The following SGCZ variants were observed in gnomAD, a reference collection of about 807,000 sequenced individuals.
SGCZ encodes sarcoglycan zeta.
Under a neutral mutation model 41.3 loss-of-function variants are expected in SGCZ, and 40 were observed. That is an observed-to-expected ratio of 0.97 (90% CI 0.75 to 1.26). SGCZ has a LOEUF of 1.26. Among genes scored for constraint, SGCZ ranks in the 50% most tolerant of loss-of-function variants. SGCZ has a pLI of 0.00. For synonymous variants in SGCZ, 206 were observed against 137.5 expected, an observed-to-expected ratio of 1.50 and a Z score of -3.49; for missense variants, 552 against 369.8, an observed-to-expected ratio of 1.49 and a Z score of -4.04.
chr8:14,289,550 T>C (rs192008890), intron 3 of SGCZ, among the ~76,000 whole-genome samples: 15 of 152,250 alleles, frequency 9.9e-5, no homozygotes, highest in East Asian at 9.7e-4. Flanking sequence ...ATAATCCTTA[T>C]ACTCTTGTCA....
chr8:14,407,532 A>T (rs905025305), intron 2 of SGCZ, among the ~76,000 whole-genome samples: 1 of 152,142 alleles, frequency 6.6e-6, no homozygotes, highest in Non-Finnish European at 1.5e-5. Context: ...ATTGTAAAAA[A>T]ATTAAATAAC....
chr8:14,317,147 AG>A (rs1181935302), intron 3 of SGCZ, among the ~76,000 whole-genome samples: 2 of 152,082 alleles, frequency 1.3e-5, no homozygotes, highest in African/African-American at 4.8e-5. Flanking sequence ...GGATTAAATG[AG>A]CTAACACATG....
intron 2 of SGCZ, 134 bp from the exon 3 acceptor site, chr8:14,324,338 C>T (rs1802022332): frequency 2.9e-6 from 2 of 685,094 alleles, no homozygotes; most frequent in Non-Finnish European, 5.2e-6. Flanking sequence ...GAGATTGAAT[C>T]TACTTAATTA....
intron 2 of SGCZ, among the ~76,000 whole-genome samples, chr8:14,451,050 A>G (rs1800578708): frequency 6.6e-6 from 1 of 152,158 alleles, no homozygotes; most frequent in African/African-American, 2.4e-5. Flanking sequence ...TACTTGTTTT[A>G]AGTGGTCCCC....
chr8:14,849,656 C>A (rs949598278), intron 1 of SGCZ, among the ~76,000 whole-genome samples: 4 of 152,040 alleles, frequency 2.6e-5, no homozygotes, highest in Non-Finnish European at 4.4e-5. Flanking sequence ...TGAGGCCAGG[C>A]AGAGTGGTTC....
chr8:14,702,157 C>G (rs1031813637), intron 1 of SGCZ, among the ~76,000 whole-genome samples: 1 of 151,930 alleles, frequency 6.6e-6, no homozygotes, highest in East Asian at 1.9e-4. Flanking sequence ...TTGCCCACCC[C>G]GCTGGAAGTA....
chr8:15,070,886 T>C (rs7842276), intron 1 of SGCZ, among the ~76,000 whole-genome samples: 11,133 of 152,158 alleles, frequency 0.073, 602 homozygotes, highest in African/African-American at 0.15. Context: ...ATCTCGGATC[T>C]GCCACTTAGC....
intron 2 of SGCZ, among the ~76,000 whole-genome samples, chr8:14,462,445 TC>T (rs1800929056): frequency 6.6e-6 from 1 of 152,184 alleles, no homozygotes; most frequent in South Asian, 2.1e-4. Flanking sequence ...ATCGTTTGTC[TC>T]TATAAGTCTT....
intron 1 of SGCZ, among the ~76,000 whole-genome samples, chr8:15,130,098 T>C (rs1316695599): frequency 2.0e-5 from 3 of 152,148 alleles, no homozygotes; most frequent in African/African-American, 7.2e-5. Context: ...TTATCTGTAA[T>C]GATATTTGAG....
In SGCZ at chr8:14,433,650, T is replaced by TA. The variant is rs556454466; in HGVS notation, c.235-109447dup. On this transcript the variant is annotated intron_variant, in intron 2 of 7. Coordinates refer to ENST00000382080, the MANE Select transcript of SGCZ (RefSeq NM_139167.4). The stretch of plus-strand genomic sequence containing the variant: ...CCCTTTTCCTATTTAGAAAAAAAAA[T>TA]AAAAAAGGTGCAGCTTGTTGCCAAT... Among the ~76,000 whole-genome samples, 85 of 152,108 alleles carry TA rather than the reference T, an allele frequency of 5.6e-4. 1 individual carries two copies. Among genetic ancestry groups the TA allele is most frequent in the South Asian group, 5.2e-3 (25 of 4,828 alleles).
intron 1 of SGCZ, among the ~76,000 whole-genome samples, chr8:14,625,287 C>G (rs971249314): frequency 7.2e-5 from 11 of 152,224 alleles, no homozygotes; most frequent in African/African-American, 2.6e-4. Flanking sequence ...TTACTGTTTT[C>G]TTTCCATGGA....
intron 3 of SGCZ, among the ~76,000 whole-genome samples, chr8:14,247,560 G>A (rs920414489): frequency 6.6e-6 from 1 of 152,194 alleles, no homozygotes; most frequent in Non-Finnish European, 1.5e-5. Context: ...TCTATCTAAA[G>A]TAACAAAGAT....
At chr8:14,584,589 G>A (rs1182250079) in intron 1 of SGCZ, among the ~76,000 whole-genome samples, 1 of 152,098 alleles carries the variant, frequency 6.6e-6, no homozygotes, top group Non-Finnish European at 1.5e-5. Flanking sequence ...AGGTTACAAA[G>A]TAATCTTATT....
intron 4 of SGCZ, among the ~76,000 whole-genome samples, chr8:14,225,882 G>C (rs1240607677): frequency 6.6e-6 from 1 of 151,990 alleles, no homozygotes; most frequent in Non-Finnish European, 1.5e-5. Context: ...GAATCTTTGC[G>C]ACCGACAAGC....
chr8:14,648,226 A>T (rs1336067151), intron 1 of SGCZ, among the ~76,000 whole-genome samples: 1 of 152,118 alleles, frequency 6.6e-6, no homozygotes, highest in African/African-American at 2.4e-5. Flanking sequence ...AAACTTTAAA[A>T]CAGATAGGGT....
At chr8:14,676,104 A>G (rs1306252619) in intron 1 of SGCZ, among the ~76,000 whole-genome samples, 2 of 152,228 alleles carry the variant, frequency 1.3e-5, no homozygotes, top group Non-Finnish European at 2.9e-5. Flanking sequence ...AACCCAACTC[A>G]GGAATAGTTT....
intron 1 of SGCZ, among the ~76,000 whole-genome samples, chr8:14,824,963 T>C (rs1802247622): frequency 6.6e-6 from 1 of 152,138 alleles, no homozygotes; most frequent in Admixed American, 6.6e-5. Flanking sequence ...GTAGACATAC[T>C]GTATTACAAG....
chr8:14,698,496 C>T (rs572154876), intron 1 of SGCZ, among the ~76,000 whole-genome samples: 49 of 151,892 alleles, frequency 3.2e-4, no homozygotes, highest in South Asian at 1.9e-3. Flanking sequence ...ATAAAACACA[C>T]CTAATTTCTA....
chr8:14,561,776 T>G (rs1168569131), intron 1 of SGCZ, among the ~76,000 whole-genome samples: 1 of 152,258 alleles, frequency 6.6e-6, no homozygotes, highest in East Asian at 1.9e-4. Context: ...CACTTTGAAA[T>G]TTCTCTACAA....
Sources: allele counts gnomAD v4.1 joint callset (sites outside exome capture counted in the v4.1 genomes callset), GRCh38; gene constraint gnomAD v4.1.1; transcripts MANE v1.5; gene names NCBI Gene and HGNC (gene_info 2026-07-23, HGNC 2026-07-21).